Variants in THSD4 observed in about 807,000 individuals in gnomAD.
The protein encoded by THSD4 is thrombospondin type 1 domain containing 4, also known as thrombospondin type-1 domain-containing protein 4.
Under a neutral mutation model 119.0 loss-of-function variants are expected in THSD4, and 69 were observed. The observed-to-expected ratio is 0.58, with a 90% confidence interval of 0.48 to 0.71. THSD4 has a LOEUF of 0.71. Ranked by LOEUF, THSD4 falls within the 30% of genes least tolerant of loss-of-function variation. The pLI is 0.00. For missense variants in THSD4, 1,393 were observed against 1,391.1 expected (o/e 1.00, Z -0.02); for synonymous variants, 524 against 540.4 (o/e 0.97, Z 0.42).
At chr15:71,263,702 A>G (rs2044430737) in intron 6 of THSD4, among the ~76,000 whole-genome samples, 1 of 152,182 alleles carries the variant, frequency 6.6e-6, no homozygotes, top group African/African-American at 2.4e-5. Flanking sequence ...TCAGGTTCTT[A>G]AAGCTTCAAT....
intron 5 of THSD4, among the ~76,000 whole-genome samples, chr15:71,252,796 A>G (rs979846936): frequency 2.6e-5 from 4 of 152,252 alleles, no homozygotes; most frequent in African/African-American, 7.2e-5. Flanking sequence ...GTGAGGATTA[A>G]ATGAGCTGAA....
At chr15:71,124,904 A>G (rs1468100049) in intron 1 of THSD4, among the ~76,000 whole-genome samples, 1 of 151,960 alleles carries the variant, frequency 6.6e-6, no homozygotes, top group Non-Finnish European at 1.5e-5. Flanking sequence ...TTAGCCAGGC[A>G]TGGTGGTGTG....
rs374953603 is a variant in THSD4 at position 71,624,080 on chromosome 15, C to T, written c.1153-36450C>T. Among the ~76,000 whole-genome samples, 651 of 152,238 alleles carry T rather than the reference C, an allele frequency of 4.3e-3. 1 individual carries two copies. Among genetic ancestry groups the T allele is most frequent in the African/African-American group, 0.015 (621 of 41,538 alleles). ...CTAGGGAGAGTGATCGAGAACAACA[C>T]GTGAAGGGTAAGGGCTGCAAGAATG... On this transcript the variant is annotated intron_variant, in intron 7 of 17. Coordinates refer to ENST00000261862, the MANE Select transcript of THSD4 (RefSeq NM_024817.3).
chr15:71,770,381 G>A (rs1012618502), intron 16 of THSD4, among the ~76,000 whole-genome samples: 24 of 147,058 alleles, frequency 1.6e-4, no homozygotes, highest in African/African-American at 5.8e-4. Flanking sequence ...TTGGCTGGGT[G>A]CAGTGGCTCA....
intron 3 of THSD4, among the ~76,000 whole-genome samples, chr15:71,204,173 A>G (rs1358388518): frequency 6.6e-6 from 1 of 152,200 alleles, no homozygotes; most frequent in Admixed American, 6.5e-5. Context: ...GTGGGTACCA[A>G]GGCACATGCC....
At chr15:71,634,593 C>T (rs563000474) in intron 7 of THSD4, among the ~76,000 whole-genome samples, 16 of 152,300 alleles carry the variant, frequency 1.1e-4, no homozygotes, top group East Asian at 3.9e-4. Context: ...GCATCAGTCA[C>T]GCAGGGAATT....
intron 1 of THSD4, among the ~76,000 whole-genome samples, chr15:71,131,175 T>C (rs2040500698): frequency 6.6e-6 from 1 of 152,186 alleles, no homozygotes; most frequent in African/African-American, 2.4e-5. Flanking sequence ...AATAATGACA[T>C]TGGGGAGTTA....
chr15:71,629,693 C>A (rs1042808371), intron 7 of THSD4, among the ~76,000 whole-genome samples: 6 of 152,166 alleles, frequency 3.9e-5, no homozygotes, highest in African/African-American at 7.2e-5. Flanking sequence ...CACTCCACAT[C>A]CCATACCTAC....
intron 6 of THSD4, among the ~76,000 whole-genome samples, chr15:71,352,955 C>T (rs1419044253): frequency 6.6e-6 from 1 of 152,202 alleles, no homozygotes; most frequent in African/African-American, 2.4e-5. Context: ...GGAAATGCTG[C>T]GTCATCCTTG....
In THSD4 at chr15:71,682,072, CT is replaced by C. The variant is rs768993060; in HGVS notation, c.1357+21339del. On this transcript the variant is annotated intron_variant, in intron 8 of 17. Transcript: ENST00000261862. ...GAGCCCCTGTGAAATCCGACCCCCC[CT>C]GGAAAGGATGAAGACATAGTTCAAC... Among the ~76,000 whole-genome samples, 12 of 152,296 alleles carry C rather than the reference CT, an allele frequency of 7.9e-5. No homozygotes were observed. The East Asian group carries it at 1.7e-3, about 22-fold the overall frequency.
In THSD4 at chr15:71,754,904, T is replaced by C. The variant is rs568877214; in HGVS notation, c.2416-2998T>C. On this transcript the variant is annotated intron_variant, in intron 14 of 17. Transcript: ENST00000261862. The stretch of plus-strand genomic sequence containing the variant: ...AAGTGATTAGACAAAGGAAAGGGGC[T>C]GGGGCTTCTAGGGACAGTAAATTGT... Among the ~76,000 whole-genome samples the C allele has an allele frequency of 3.9e-5, 6 of 152,282 alleles. No individual in the cohort carries two copies. In the South Asian group the frequency reaches 1.2e-3, roughly 32 times the overall value.
At chr15:71,369,265 C>T (rs2046009971) in intron 6 of THSD4, among the ~76,000 whole-genome samples, 1 of 152,140 alleles carries the variant, frequency 6.6e-6, no homozygotes, top group African/African-American at 2.4e-5. Flanking sequence ...TAATTCAATA[C>T]CCTTTATTTC....
At chr15:71,098,361 T>A (rs1474285628) in intron 1 of THSD4, among the ~76,000 whole-genome samples, 1 of 151,156 alleles carries the variant, frequency 6.6e-6, no homozygotes, top group African/African-American at 2.4e-5. Context: ...ACCACCCAGC[T>A]AGGTTTTTTG....
At chr15:71,656,586 G>C (rs1225617487) in intron 7 of THSD4, among the ~76,000 whole-genome samples, 2 of 152,162 alleles carry the variant, frequency 1.3e-5, no homozygotes, top group African/African-American at 4.8e-5. Flanking sequence ...CTTTGAACTT[G>C]TTCCTCTGCA....
chr15:71,479,524 G>A (rs1450451469), intron 7 of THSD4, among the ~76,000 whole-genome samples: 1 of 152,174 alleles, frequency 6.6e-6, no homozygotes, highest in African/African-American at 2.4e-5. Flanking sequence ...TTGGGAAACT[G>A]AGCACTAATT....
At chr15:71,762,317 C>G (rs1304064408) in intron 15 of THSD4, among the ~76,000 whole-genome samples, 4 of 152,150 alleles carry the variant, frequency 2.6e-5, no homozygotes, top group African/African-American at 9.7e-5. Context: ...CAAGGACTTG[C>G]CAAAAATAGC....
At chr15:71,662,503 A>G (rs1006105796) in intron 8 of THSD4, among the ~76,000 whole-genome samples, 2 of 152,184 alleles carry the variant, frequency 1.3e-5, no homozygotes, top group African/African-American at 4.8e-5. Context: ...AGAATGGGAA[A>G]TGTTCTTCTG....
chr15:71,728,046 A>T (rs1449747790), intron 8 of THSD4, among the ~76,000 whole-genome samples: 2 of 152,042 alleles, frequency 1.3e-5, no homozygotes, highest in African/African-American at 4.8e-5. Flanking sequence ...GGTTTATAAG[A>T]GAAGCCAGAA....
At chr15:71,099,451 G>C (rs940157946) in intron 1 of THSD4, among the ~76,000 whole-genome samples, 1 of 152,080 alleles carries the variant, frequency 6.6e-6, no homozygotes, top group African/African-American at 2.4e-5. Context: ...AAATTCTATT[G>C]TTAGGTATAC....
Sources: allele counts gnomAD v4.1 joint callset (sites outside exome capture counted in the v4.1 genomes callset), GRCh38; gene constraint gnomAD v4.1.1; transcripts MANE v1.5; gene names NCBI Gene and HGNC (gene_info 2026-07-23, HGNC 2026-07-21).